KIAA0586: variants seen among roughly 807,000 people sequenced by gnomAD.
KIAA0586 encodes KIAA0586, also known as protein TALPID3.
In KIAA0586, 144 loss-of-function variants were observed where a neutral mutation model predicts 169.8. The observed-to-expected ratio is 0.85, with a 90% CI of 0.74 to 0.97. The LOEUF (loss-of-function observed/expected upper bound fraction) is 0.97. Among genes scored for constraint, KIAA0586 ranks in the 50% least tolerant of loss-of-function variants. KIAA0586 has a pLI of 0.00. For missense variants in KIAA0586, 1,854 were observed against 1,823.0 expected (o/e 1.02, Z -0.31); for synonymous variants, 625 against 612.4 (o/e 1.02, Z -0.30).
chr14:58,487,899 C>CT lies in KIAA0586; in HGVS notation c.3318dup (p.Ala1107CysfsTer6). The CT allele has an allele frequency of 1.2e-6, 2 of 1,612,762 alleles. No individual in the cohort carries two copies. The highest frequency in any genetic ancestry group is 1.7e-6 in the Non-Finnish European group (2 of 1,179,224). On this transcript the variant is annotated frameshift_variant, in exon 23 of 31. Transcript: ENST00000652326. LOFTEE classifies it high-confidence loss of function. Reference sequence around the variant, plus strand: ...AAAAAACCTTTAGGAGATGATATGCCTGCCATCATGCTTGTTAATACTCCA... The same window carrying CT: ...AAAAAACCTTTAGGAGATGATATGCCTTGCCATCATGCTTGTTAATACTCCA...
chr14:58,484,924 A>AAATATATATTTTTTTTT, intron 21 of KIAA0586, among the ~76,000 whole-genome samples: 1 of 13,048 alleles, frequency 7.7e-5, no homozygotes, highest in Non-Finnish European at 1.3e-4. Flanking sequence ...ATATATATAT[A>AAATATATATTTTTTTTT]TTTTTTTTTT....
intron 29 of KIAA0586, among the ~76,000 whole-genome samples, chr14:58,525,089 A>C (rs2045485139): frequency 6.6e-6 from 1 of 152,204 alleles, no homozygotes; most frequent in African/African-American, 2.4e-5. Flanking sequence ...GCTCTCCTTT[A>C]ACAGATAGGA....
chr14:58,457,694 G>A lies in KIAA0586; in HGVS notation c.1363-65G>A, dbSNP rs564814516. The A allele has an allele frequency of 1.7e-5, 17 of 991,904 alleles. No homozygotes were observed. In the East Asian group the frequency reaches 3.9e-4, roughly 23 times the overall value. 61.4% of individuals were successfully genotyped at this position (991,904 alleles called of 1,614,324 possible). ...ATGTATGGCCTCAACAATAGTGATA[G>A]CTGTTATTTTGATTAAAGGAATCGT... is the stretch of plus-strand genomic sequence containing the variant. On this transcript the variant is annotated intron_variant, in intron 10 of 30. Coordinates refer to ENST00000652326, the MANE Select transcript of KIAA0586 (RefSeq NM_001329943.3).
chr14:58,496,183 T>C (rs1417512887), intron 26 of KIAA0586, among the ~76,000 whole-genome samples: 1 of 152,210 alleles, frequency 6.6e-6, no homozygotes, highest in East Asian at 1.9e-4. Flanking sequence ...TTTGTACATA[T>C]ATGTAGATGG....
At chr14:58,480,006 T>C (rs1246680308) in intron 20 of KIAA0586, among the ~76,000 whole-genome samples, 1 of 152,140 alleles carries the variant, frequency 6.6e-6, no homozygotes, top group Non-Finnish European at 1.5e-5. Context: ...TGTTTATCAT[T>C]ATCTCTACTT....
In KIAA0586 at chr14:58,507,149, T is replaced by TA. The variant is rs1442396095; in HGVS notation, c.4169-1393dup. ...GGCAACAGGAGTGAGACTCTGTCTT[T>TA]AAAAAAAAAAAAAGTGTATATATAT... On this transcript the variant is annotated intron_variant, in intron 27 of 30. Transcript: ENST00000652326. Among the ~76,000 whole-genome samples, 79 of 75,208 alleles carry TA rather than the reference T, an allele frequency of 1.1e-3. 1 individual carries two copies. The highest frequency in any genetic ancestry group is 2.0e-3 in the East Asian group (5 of 2,560). 49.3% of individuals were successfully genotyped at this position (75,208 alleles called of 152,430 possible). A position where few individuals can be genotyped will look rare whatever the true frequency, so the allele number is the denominator to read the frequency against.
rs185266107 is a variant in KIAA0586 at position 58,461,111 on chromosome 14, A to G, written c.2010A>G (p.Pro670=). The G allele has an allele frequency of 1.4e-5, 22 of 1,611,400 alleles. 1 individual carries two copies. In the Admixed American group the frequency reaches 3.4e-4, roughly 25 times the overall value. The change falls in exon 14 of 31, where the codon CCA becomes CCG. Residue 670 remains proline, a synonymous_variant. Coordinates refer to ENST00000652326, the MANE Select transcript of KIAA0586 (RefSeq NM_001329943.3). ...KKGPYLRFNS[P]SPKSRPQRPK... is the part of the protein sequence containing the mutation. ...GACCATATCTCAGATTTAATTCTCC[A>G]TCTCCTAAGTCCAGACCACAGAGAC... is the stretch of plus-strand genomic sequence containing the variant.
chr14:58,443,176 T>C (rs557461118), intron 5 of KIAA0586, among the ~76,000 whole-genome samples: 3 of 152,190 alleles, frequency 2.0e-5, no homozygotes, highest in East Asian at 1.9e-4. Context: ...TTATTCTTAT[T>C]TGAGAGCTAG....
intron 28 of KIAA0586, among the ~76,000 whole-genome samples, chr14:58,512,018 A>G (rs2044423937): frequency 6.6e-6 from 1 of 152,176 alleles, no homozygotes; most frequent in African/African-American, 2.4e-5. Flanking sequence ...GGTGGAGCGT[A>G]TGTTTCTTGA....
At position 58,550,739 on chromosome 14, in the gene KIAA0586, T is replaced by C. The variant is rs2047181746; in HGVS notation, c.*2807T>C. ...GCCCCAGCTACTCAAGAGGGTGAGG[T>C]GAGAGGATCGCTTGAGCCCAGGATG... On this transcript the variant is annotated 3_prime_UTR_variant, in exon 31 of 31. Transcript: ENST00000652326. 1 of 149,900 alleles carries C rather than the reference T, an allele frequency of 6.7e-6. No individual in the cohort carries two copies. The highest frequency in any genetic ancestry group is 2.5e-5 in the African/African-American group (1 of 40,510). 9.3% of individuals were successfully genotyped at this position (149,900 alleles called of 1,614,324 possible).
At chr14:58,531,565 T>G (rs1393847032) in intron 29 of KIAA0586, among the ~76,000 whole-genome samples, 1 of 152,132 alleles carries the variant, frequency 6.6e-6, no homozygotes, top group African/African-American at 2.4e-5. Flanking sequence ...TGTAGAGATA[T>G]AGGAATGCTT....
At chr14:58,557,442 C>T in the KIAA0586 span, among the ~76,000 whole-genome samples, 1 of 152,224 alleles carries the variant, frequency 6.6e-6, no homozygotes, top group Non-Finnish European at 1.5e-5. Context: ...GTAACAGGGA[C>T]TGCACAGTAT....
At chr14:58,483,331 T>A (rs1397902251) in intron 21 of KIAA0586, among the ~76,000 whole-genome samples, 1 of 152,232 alleles carries the variant, frequency 6.6e-6, no homozygotes, top group Non-Finnish European at 1.5e-5. Context: ...TTGGCACATT[T>A]ATAAAAATCT....
intron 30 of KIAA0586, among the ~76,000 whole-genome samples, chr14:58,542,438 T>C (rs991534629): frequency 6.6e-5 from 10 of 151,650 alleles, no homozygotes; most frequent in East Asian, 5.8e-4. Context: ...GATCATGCCA[T>C]TGCACTCCAG....
In KIAA0586 at chr14:58,547,870, C is replaced by T. The variant is rs770812773; in HGVS notation, c.4585C>T (p.Gln1529Ter). The change falls in exon 31 of 31, where the codon CAG (glutamine) becomes TAG (stop). Residue 1529 changes from glutamine (Q) to a stop codon, truncating the protein, a stop_gained. Coordinates refer to ENST00000652326, the MANE Select transcript of KIAA0586 (RefSeq NM_001329943.3). LOFTEE classifies it high-confidence loss of function. ...GTCAGTGAACCTCGAGGACTGCTCT[C>T]AGTCTCTGAGTCTCAGCACAATGCA... is the stretch of plus-strand genomic sequence containing the variant. ...LPSVNLEDCS[Q>*]SLSLSTMQED... 2 of 1,613,790 alleles carry T rather than the reference C, an allele frequency of 1.2e-6. No individual in the cohort carries two copies. Among genetic ancestry groups the T allele is most frequent in the Admixed American group, 1.7e-5 (1 of 60,016 alleles).
intron 29 of KIAA0586, among the ~76,000 whole-genome samples, chr14:58,537,451 G>A (rs2046363780): frequency 6.6e-6 from 1 of 152,096 alleles, no homozygotes; most frequent in Non-Finnish European, 1.5e-5. Flanking sequence ...TTCTTCAATG[G>A]AAGGGATCTC....
intron 6 of KIAA0586, 148 bp downstream of exon 6, chr14:58,444,323 G>T (rs2038668730): frequency 1.6e-6 from 1 of 639,992 alleles, no homozygotes; most frequent in Non-Finnish European, 2.8e-6. Flanking sequence ...CTCCTGTAAT[G>T]CGGGTAACTC....
Position 58,427,824 on chromosome 14 carries a change from C to T in KIAA0586, c.-441C>T. ...ATTGCATCTGGAGGGGTGTGTAAGA[C>T]TCTGTGGCTGAAGAAAGCTATTACG... is the stretch of plus-strand genomic sequence containing the variant. On this transcript the variant is annotated 5_prime_UTR_variant, in exon 1 of 31. Transcript: ENST00000652326. 9 of 1,449,964 alleles carry T rather than the reference C, an allele frequency of 6.2e-6. No individual in the cohort carries two copies. The South Asian group carries it at 1.1e-4, about 18-fold the overall frequency. The allele number at this position is 1,449,964 out of a possible 1,614,324, so 89.8% of individuals were successfully genotyped here. A position where few individuals can be genotyped will look rare whatever the true frequency, so the allele number is the denominator to read the frequency against.
intron 29 of KIAA0586, among the ~76,000 whole-genome samples, chr14:58,529,683 ACTAT>A (rs915656762): frequency 2.0e-5 from 3 of 152,140 alleles, no homozygotes; most frequent in Non-Finnish European, 4.4e-5. Flanking sequence ...CTCTCAATAA[ACTAT>A]CTATTGATGA....
Sources: allele counts gnomAD v4.1 joint callset (sites outside exome capture counted in the v4.1 genomes callset), GRCh38; gene constraint gnomAD v4.1.1; transcripts MANE v1.5; gene names NCBI Gene and HGNC (gene_info 2026-07-23, HGNC 2026-07-21).